Variants in ADAT2 observed in about 807,000 individuals in gnomAD.
The protein encoded by ADAT2 is adenosine deaminase tRNA specific 2.
Under a neutral mutation model 25.9 loss-of-function variants are expected in ADAT2, and 26 were observed. The ratio of observed to expected loss-of-function variants is 1.00; its 90% confidence interval spans 0.74 to 1.39. The LOEUF (loss-of-function observed/expected upper bound fraction) is 1.39. ADAT2 is among the 40% of genes most tolerant of loss of function. The pLI, the probability that ADAT2 is intolerant of heterozygous loss-of-function variation, is 0.00. For missense variants in ADAT2, 220 were observed against 244.8 expected, an observed-to-expected ratio of 0.90 and a Z score of 0.68; for synonymous variants, 76 against 86.8, an observed-to-expected ratio of 0.88 and a Z score of 0.69.
intron 4 of ADAT2, among the ~76,000 whole-genome samples, chr6:143,431,424 T>TAA (rs1251733098): frequency 6.6e-6 from 1 of 152,250 alleles, no homozygotes; most frequent in East Asian, 1.9e-4. Flanking sequence ...GCAATTCATT[T>TAA]GCAAAGAGTT....
rs1350725984 is a variant in ADAT2, at chr6:143,434,446, G to A, written c.202-465C>T. Among the ~76,000 whole-genome samples the A allele has an allele frequency of 6.6e-6, 1 of 152,130 alleles. No homozygotes were observed. The highest frequency in any genetic ancestry group is 1.5e-5 in the Non-Finnish European group (1 of 68,030). On this transcript the variant is annotated intron_variant, in intron 2 of 5. Transcript: ENST00000237283. The surrounding 1 kb of genome is among the most constrained non-coding windows in gnomAD (Gnocchi z 4.5). ...CTGGAATGTCATCTCTTACACTTTT[G>A]GGGAATGAGGTTTTATATACTGGAA...
Position 143,432,587 on chromosome 6 carries a change from C to G in ADAT2, c.377G>C (p.Cys126Ser), listed in dbSNP as rs763312330. 6.2e-7 allele frequency: 1 copy of G among 1,614,192 alleles called. No individual in the cohort carries two copies. The highest frequency in any genetic ancestry group is 8.5e-7 in the Non-Finnish European group (1 of 1,180,026). ...ACAACCACCAAATCGTTCATTCTGA[C>G]AGCCATATACAACCAGCGGGATTTA... ...LMKIPLVVYG[C>S]QNERFGGCGS... Residue 126 changes from cysteine (C) to serine (S), a missense_variant, in exon 4 of 6, where the codon TGT becomes TCT. Coordinates refer to ENST00000237283, the MANE Select transcript of ADAT2 (RefSeq NM_182503.3). This position sits in a 1 kb window ranked among gnomAD's most constrained non-coding sequence, Gnocchi z 4.4.
rs1779475487 is a variant in ADAT2, at chr6:143,442,142, A to C, written c.97-3448T>G. Among the ~76,000 whole-genome samples the C allele has an allele frequency of 6.6e-6, 1 of 152,202 alleles. No homozygotes were observed. The highest frequency in any genetic ancestry group is 1.5e-5 in the Non-Finnish European group (1 of 68,028). On this transcript the variant is annotated intron_variant, in intron 1 of 5. Coordinates refer to ENST00000237283, the MANE Select transcript of ADAT2 (RefSeq NM_182503.3). This position sits in a 1 kb window ranked among gnomAD's most constrained non-coding sequence, Gnocchi z 4.6. ...ACAGCTTTATTTGTAATAGCCAAAAACTGGAAACAACTCAAATGCCCTTCA... is the reference window on the plus strand; with the variant it reads ...ACAGCTTTATTTGTAATAGCCAAAACCTGGAAACAACTCAAATGCCCTTCA...
chr6:143,449,443 A>C (rs1443195219), intron 1 of ADAT2, among the ~76,000 whole-genome samples: 1 of 152,214 alleles, frequency 6.6e-6, no homozygotes, highest in Non-Finnish European at 1.5e-5. Context: ...TAATTGTATT[A>C]TAAACACCTA....
chr6:143,442,684 A>G lies in ADAT2; in HGVS notation c.97-3990T>C, dbSNP rs1029553270. Among the ~76,000 whole-genome samples, 2 of 152,226 alleles carry G rather than the reference A, an allele frequency of 1.3e-5. No homozygotes were observed. Among genetic ancestry groups the G allele is most frequent in the African/African-American group, 4.8e-5 (2 of 41,460 alleles). On this transcript the variant is annotated intron_variant, in intron 1 of 5. Transcript: ENST00000237283. This position sits in a 1 kb window ranked among gnomAD's most constrained non-coding sequence, Gnocchi z 4.6. ...TTCTTGTGAACTTATAATTATTTCA[A>G]AATGAAAGTTAAAAAATAAGTACAG...
chr6:143,435,557 G>A lies in ADAT2; in HGVS notation c.202-1576C>T, dbSNP rs545947054. ...GGATGGGGTTAGATGGGTATTGTTA[G>A]GACAGTCAAAGTTCTCATCTTAAGA... On this transcript the variant is annotated intron_variant, in intron 2 of 5. Transcript: ENST00000237283. Among the ~76,000 whole-genome samples, 3 of 152,242 alleles carry A rather than the reference G, an allele frequency of 2.0e-5. No homozygotes were observed. The East Asian group carries it at 5.8e-4, about 29-fold the overall frequency.
intron 1 of ADAT2, among the ~76,000 whole-genome samples, chr6:143,448,210 T>C (rs148553006): frequency 0.022 from 3,284 of 152,038 alleles, 108 homozygotes; most frequent in Admixed American, 0.076. Flanking sequence ...ATGAGAACAC[T>C]TGGACACAGG....
rs960007884 is a variant in ADAT2, at chr6:143,446,554, C to A, written c.96+4009G>T. ...ACAAAATTGGGGAAAGTATATGCCT[C>A]GGCAATTCACAGAAGAAAAAAATCT... is the stretch of plus-strand genomic sequence containing the variant. On this transcript the variant is annotated intron_variant, in intron 1 of 5. Transcript: ENST00000237283. The surrounding 1 kb of genome is among the most constrained non-coding windows in gnomAD (Gnocchi z 5.0). 1.3e-5 allele frequency among the ~76,000 whole-genome samples: 2 copies of A among 151,786 alleles called. No individual in the cohort carries two copies. Among genetic ancestry groups the A allele is most frequent in the African/African-American group, 4.8e-5 (2 of 41,280 alleles).
chr6:143,430,777 G>A (rs1018656788), intron 4 of ADAT2, among the ~76,000 whole-genome samples: 3 of 152,104 alleles, frequency 2.0e-5, no homozygotes, highest in African/African-American at 7.2e-5. Context: ...ATGTTAGCCA[G>A]GATGGTCTCG....
rs564521888 is a variant in ADAT2 at position 143,422,957 on chromosome 6, G to A, written c.*5506C>T. The A allele has an allele frequency of 6.6e-6, 1 of 152,042 alleles. No homozygotes were observed. Among genetic ancestry groups the A allele is most frequent in the African/African-American group, 2.4e-5 (1 of 41,368 alleles). The allele number at this position is 152,042 out of a possible 1,614,324, so 9.4% of individuals were successfully genotyped here. A position where few individuals can be genotyped will look rare whatever the true frequency, so the allele number is the denominator to read the frequency against. On this transcript the variant is annotated 3_prime_UTR_variant, in exon 6 of 6. Transcript: ENST00000237283. The surrounding 1 kb of genome is among the most constrained non-coding windows in gnomAD (Gnocchi z 4.3). ...CATTCTAAGCCAGAAAACATATTTT[G>A]GTATCTTAGATTTTTCCTTTACATT...
rs940957732 is a variant in ADAT2 at position 143,428,687 on chromosome 6, G to A, written c.460-3C>T. ...TCAGCCCGATATCCAGGGATACACT[G>A]ATGGAATGAGAAAGTTGAGAATAAA... On this transcript the variant is annotated splice_polypyrimidine_tract_variant and splice_region_variant and intron_variant, in intron 4 of 5. Transcript: ENST00000237283. This position sits in a 1 kb window ranked among gnomAD's most constrained non-coding sequence, Gnocchi z 5.0. 1.9e-6 allele frequency: 3 copies of A among 1,613,662 alleles called. No homozygotes were observed. Among genetic ancestry groups the A allele is most frequent in the Non-Finnish European group, 2.5e-6 (3 of 1,179,792 alleles).
At chr6:143,450,511 G>T in intron 1 of ADAT2, 52 bp downstream of exon 1, 1 of 1,586,396 alleles carries the variant, frequency 6.3e-7, no homozygotes. Context: ...GGGTCGGGTT[G>T]AGGGCTGGAG....
At position 143,430,856 on chromosome 6, in the gene ADAT2, C is replaced by T. The variant is rs572938961; in HGVS notation, c.459+1649G>A. ...CTGGGATTACAGGCATGAGCCACTG[C>T]ACCCAGCCATAAAACAAAAATTTTA... is the stretch of plus-strand genomic sequence containing the variant. On this transcript the variant is annotated intron_variant, in intron 4 of 5. Coordinates refer to ENST00000237283, the MANE Select transcript of ADAT2 (RefSeq NM_182503.3). 7.9e-5 allele frequency among the ~76,000 whole-genome samples: 12 copies of T among 152,302 alleles called. No individual in the cohort carries two copies. In the East Asian group the frequency reaches 1.4e-3, roughly 17 times the overall value.
In ADAT2 at chr6:143,427,132, C is replaced by CACACAA. The variant is rs1554277475; in HGVS notation, c.*1330_*1331insTTGTGT. The CACACAA allele has an allele frequency of 6.6e-6, 1 of 152,092 alleles. No individual in the cohort carries two copies. Among genetic ancestry groups the CACACAA allele is most frequent in the African/African-American group, 2.4e-5 (1 of 40,998 alleles). The allele number at this position is 152,092 out of a possible 1,614,324, so 9.4% of individuals were successfully genotyped here. A position where few individuals can be genotyped will look rare whatever the true frequency, so the allele number is the denominator to read the frequency against. On this transcript the variant is annotated 3_prime_UTR_variant, in exon 6 of 6. Coordinates refer to ENST00000237283, the MANE Select transcript of ADAT2 (RefSeq NM_182503.3). ...ACACACACACACACACACACACACA[C>CACACAA]ACAAAACCAAGCAATTATAAGTCCT... is the stretch of plus-strand genomic sequence containing the variant.
Position 143,446,056 on chromosome 6 carries a change from T to A in ADAT2, c.96+4507A>T, listed in dbSNP as rs1344409810. Among the ~76,000 whole-genome samples the A allele has an allele frequency of 1.2e-4, 16 of 136,848 alleles. No homozygotes were observed. In the South Asian group the frequency reaches 3.2e-3, roughly 28 times the overall value. 89.8% of individuals were successfully genotyped at this position (136,848 alleles called of 152,430 possible). A position where few individuals can be genotyped will look rare whatever the true frequency, so the allele number is the denominator to read the frequency against. ...TGTTCAAGGTGGAGAACTTAGCGAT[T>A]AAAAAAAAAAAACCTCATGTATCAA... On this transcript the variant is annotated intron_variant, in intron 1 of 5. Coordinates refer to ENST00000237283, the MANE Select transcript of ADAT2 (RefSeq NM_182503.3). The surrounding 1 kb of genome is among the most constrained non-coding windows in gnomAD (Gnocchi z 5.0).
rs543662215 is a variant in ADAT2 at position 143,434,682 on chromosome 6, C to T, written c.202-701G>A. On this transcript the variant is annotated intron_variant, in intron 2 of 5. Transcript: ENST00000237283. This position sits in a 1 kb window ranked among gnomAD's most constrained non-coding sequence, Gnocchi z 4.5. Reference sequence around the variant, plus strand: ...AAAATGGTATACACTGGTATCTACACTTATAAACCTTATAAATCTGAATTA... The same window carrying T: ...AAAATGGTATACACTGGTATCTACATTTATAAACCTTATAAATCTGAATTA... Among the ~76,000 whole-genome samples, 21 of 152,206 alleles carry T rather than the reference C, an allele frequency of 1.4e-4. No homozygotes were observed. Among genetic ancestry groups the T allele is most frequent in the Non-Finnish European group, 2.5e-4 (17 of 68,040 alleles).
chr6:143,423,988 T>C lies in ADAT2; in HGVS notation c.*4475A>G, dbSNP rs1294202303. The C allele has an allele frequency of 1.3e-5, 2 of 152,170 alleles. No individual in the cohort carries two copies. Among genetic ancestry groups the C allele is most frequent in the Non-Finnish European group, 2.9e-5 (2 of 68,044 alleles). The allele number at this position is 152,170 out of a possible 1,614,324, so 9.4% of individuals were successfully genotyped here. A position where few individuals can be genotyped will look rare whatever the true frequency, so the allele number is the denominator to read the frequency against. ...AAACTACACCATGAAGCCTCCTTAATAGTCATGGATATGTGGTGTTCAACC... is the reference window on the plus strand; with the variant it reads ...AAACTACACCATGAAGCCTCCTTAACAGTCATGGATATGTGGTGTTCAACC... On this transcript the variant is annotated 3_prime_UTR_variant, in exon 6 of 6. Transcript: ENST00000237283.
At chr6:143,430,380 A>G (rs1406376284) in intron 4 of ADAT2, among the ~76,000 whole-genome samples, 4 of 152,184 alleles carry the variant, frequency 2.6e-5, no homozygotes, top group African/African-American at 9.7e-5. Context: ...TGGGGCAGGG[A>G]CTGAGCAGAG....
rs1554279727 is a variant in ADAT2, at chr6:143,446,182, CAT to C, written c.96+4379_96+4380del. ...TGTTTTTTCCTATGCCCTGCATACACATATTTACAGTTTTTAAAAAGTCAAAT... is the reference window on the plus strand; with the variant it reads ...TGTTTTTTCCTATGCCCTGCATACACATTTACAGTTTTTAAAAAGTCAAAT... On this transcript the variant is annotated intron_variant, in intron 1 of 5. Coordinates refer to ENST00000237283, the MANE Select transcript of ADAT2 (RefSeq NM_182503.3). This position sits in a 1 kb window ranked among gnomAD's most constrained non-coding sequence, Gnocchi z 5.0. Among the ~76,000 whole-genome samples, 1 of 151,740 alleles carries C rather than the reference CAT, an allele frequency of 6.6e-6. No homozygotes were observed. Among genetic ancestry groups the C allele is most frequent in the Non-Finnish European group, 1.5e-5 (1 of 67,970 alleles).
Sources: allele counts gnomAD v4.1 joint callset (sites outside exome capture counted in the v4.1 genomes callset), GRCh38; gene constraint gnomAD v4.1.1; non-coding constraint Gnocchi (gnomAD v3.1); transcripts MANE v1.5; gene names NCBI Gene and HGNC (gene_info 2026-07-23, HGNC 2026-07-21).